The following CHCHD3 variants were observed in gnomAD, a reference collection of about 807,000 sequenced individuals.
The protein encoded by CHCHD3 is MICOS complex subunit MIC19.
A neutral mutation model predicts 38.2 loss-of-function variants in CHCHD3; 20 were observed. The observed-to-expected ratio is 0.52, with a 90% CI of 0.37 to 0.76. The LOEUF is 0.76. Ranked by LOEUF, CHCHD3 falls within the 30% of genes least tolerant of loss-of-function variation. The pLI, the probability that CHCHD3 is intolerant of heterozygous loss-of-function variation, is 0.00. For missense variants in CHCHD3, 245 were observed against 279.2 expected (o/e 0.88, Z 0.87); for synonymous variants, 82 against 100.0 (o/e 0.82, Z 1.07).
chr7:133,031,555 T>TAA (rs1813505447), intron 2 of CHCHD3, among the ~76,000 whole-genome samples: 1 of 152,148 alleles, frequency 6.6e-6, no homozygotes, highest in Non-Finnish European at 1.5e-5. Flanking sequence ...CAGTATTTCT[T>TAA]AAACAATCTC....
intron 6 of CHCHD3, among the ~76,000 whole-genome samples, chr7:132,830,373 T>C (rs1229447725): frequency 6.6e-6 from 1 of 152,198 alleles, no homozygotes; most frequent in African/African-American, 2.4e-5. Context: ...AGGAGCTGCA[T>C]CATCTACAAC....
intron 4 of CHCHD3, among the ~76,000 whole-genome samples, chr7:132,908,507 A>C (rs769361403): frequency 1.5e-4 from 23 of 152,188 alleles, no homozygotes; most frequent in Non-Finnish European, 2.4e-4. Flanking sequence ...CTTTCTTCTT[A>C]TAAGTATCCT....
At chr7:132,975,027 A>C in intron 4 of CHCHD3, 142 bp downstream of exon 4, 1 of 671,492 alleles carries the variant, frequency 1.5e-6, no homozygotes, top group Non-Finnish European at 2.5e-6. Flanking sequence ...GCTACTTATA[A>C]AAGGCAAAAA....
intron 4 of CHCHD3, chr7:132,973,592 GA>G (rs1219153955): frequency 2.0e-6 from 2 of 999,500 alleles, no homozygotes. Context: ...TCAGTCCACT[GA>G]CATTTCTTTC....
At chr7:133,031,442 C>T (rs1167705895) in intron 2 of CHCHD3, among the ~76,000 whole-genome samples, 1 of 151,536 alleles carries the variant, frequency 6.6e-6, no homozygotes, top group Non-Finnish European at 1.5e-5. Context: ...CCCTGAACCT[C>T]AAGGAACATA....
intron 4 of CHCHD3, among the ~76,000 whole-genome samples, chr7:132,894,424 C>T (rs1461239307): frequency 6.6e-6 from 1 of 152,226 alleles, no homozygotes; most frequent in African/African-American, 2.4e-5. Context: ...TGTTCCAAAC[C>T]ACTCTTGGAT....
intron 3 of CHCHD3, among the ~76,000 whole-genome samples, chr7:132,980,380 T>A (rs1811887824): frequency 6.6e-6 from 1 of 152,250 alleles, no homozygotes; most frequent in Admixed American, 6.5e-5. Context: ...CTTTTTTATT[T>A]ATTGGCATTT....
At chr7:133,013,699 C>T (rs962914463) in intron 3 of CHCHD3, among the ~76,000 whole-genome samples, 2 of 151,742 alleles carry the variant, frequency 1.3e-5, no homozygotes, top group East Asian at 1.9e-4. Context: ...GAAAAAAGCA[C>T]GTTATATAAC....
chr7:133,036,197 A>C (rs1449432666), intron 2 of CHCHD3, among the ~76,000 whole-genome samples: 1 of 152,172 alleles, frequency 6.6e-6, no homozygotes, highest in Non-Finnish European at 1.5e-5. Flanking sequence ...TAATTTTCTG[A>C]CAAATTGTAA....
intron 5 of CHCHD3, among the ~76,000 whole-genome samples, chr7:132,861,920 G>C (rs918588912): frequency 6.6e-6 from 1 of 152,170 alleles, no homozygotes; most frequent in Non-Finnish European, 1.5e-5. Context: ...GTAAGAAAAT[G>C]TTAAACTGGA....
At chr7:132,921,866 A>G (rs1432672537) in intron 4 of CHCHD3, among the ~76,000 whole-genome samples, 1 of 152,192 alleles carries the variant, frequency 6.6e-6, no homozygotes, top group Non-Finnish European at 1.5e-5. Context: ...TCCACAGACA[A>G]AGAATTTATA....
intron 4 of CHCHD3, among the ~76,000 whole-genome samples, chr7:132,954,547 A>G (rs537895214): frequency 2.0e-5 from 3 of 152,246 alleles, no homozygotes; most frequent in African/African-American, 7.2e-5. Flanking sequence ...AGGTGAAGGC[A>G]TGTGACAATG....
intron 4 of CHCHD3, among the ~76,000 whole-genome samples, chr7:132,929,510 T>C (rs1213180909): frequency 6.6e-6 from 1 of 152,206 alleles, no homozygotes; most frequent in Admixed American, 6.5e-5. Context: ...CTTCATCTCT[T>C]TGAGAAGGAT....
intron 3 of CHCHD3, among the ~76,000 whole-genome samples, chr7:132,988,224 T>C (rs900608462): frequency 2.0e-5 from 3 of 151,602 alleles, no homozygotes; most frequent in African/African-American, 7.3e-5. Context: ...ATAAAACCAG[T>C]GAGAGGTATA....
chr7:132,815,224 C>T (rs1807167586), intron 6 of CHCHD3, among the ~76,000 whole-genome samples: 1 of 152,166 alleles, frequency 6.6e-6, no homozygotes, highest in African/African-American at 2.4e-5. Context: ...AACTGTTTAA[C>T]AGATGGAGCA....
intron 4 of CHCHD3, among the ~76,000 whole-genome samples, chr7:132,891,952 C>A (rs958599849): frequency 6.6e-6 from 1 of 152,192 alleles, no homozygotes; most frequent in Non-Finnish European, 1.5e-5. Context: ...TTTCCTGAGG[C>A]CTTCCCAGGA....
At chr7:132,933,995 A>G (rs10488213) in intron 4 of CHCHD3, among the ~76,000 whole-genome samples, 30,759 of 152,180 alleles carry the variant, frequency 0.2, 3,491 homozygotes, top group South Asian at 0.27. Context: ...GCAGAAGTGA[A>G]TAAAGCTGGG....
At chr7:132,847,568 C>T (rs1249430533) in intron 5 of CHCHD3, among the ~76,000 whole-genome samples, 4 of 152,186 alleles carry the variant, frequency 2.6e-5, no homozygotes, top group Non-Finnish European at 5.9e-5. Context: ...TCTGGGCTGG[C>T]CGTGGCCCAG....
chr7:132,874,104 A>G (rs569945938), intron 5 of CHCHD3, among the ~76,000 whole-genome samples: 1 of 152,298 alleles, frequency 6.6e-6, no homozygotes, highest in South Asian at 2.1e-4. Context: ...ATATTTAACA[A>G]GCACCTGCTA....
Sources: gnomAD v4.1 joint callset for allele counts (sites outside exome capture counted in the v4.1 genomes callset) on GRCh38, gnomAD v4.1.1 for gene constraint, MANE v1.5 for transcripts, NCBI Gene and HGNC (gene_info 2026-07-23, HGNC 2026-07-21) for gene names.